SDK2: variants seen among roughly 807,000 people sequenced by gnomAD.
The protein encoded by SDK2 is protein sidekick-2.
SDK2 carries 105 observed loss-of-function variants against 253.9 expected under a neutral mutation model. The ratio of observed to expected loss-of-function variants is 0.41; its 90% CI spans 0.35 to 0.49. The LOEUF (loss-of-function observed/expected upper bound fraction) is 0.49, where lower values mean the gene tolerates loss of function less well. SDK2 is among the 20% of genes least tolerant of loss of function. The pLI is 0.06. For missense variants in SDK2, 2,608 were observed against 3,003.0 expected (o/e 0.87, Z 3.07); for synonymous variants, 1,249 against 1,234.9 (o/e 1.01, Z -0.24).
rs759349908 is a variant in SDK2 at position 73,361,648 on chromosome 17, C to T, written c.5467+36G>A. 1.3e-5 allele frequency: 21 copies of T among 1,592,114 alleles called. No homozygotes were observed. In the East Asian group the frequency reaches 1.6e-4, roughly 12 times the overall value. On this transcript the variant is annotated intron_variant, in intron 39 of 44. Transcript: ENST00000392650. This position sits in a 1 kb window ranked among gnomAD's most constrained non-coding sequence, Gnocchi z 4.1. Reference sequence around the variant, plus strand: ...CTTCTGACTGGGGACGCTGAACCGCCGTGTGGAAGACATGCCTGGTCCGTT... The same window carrying T: ...CTTCTGACTGGGGACGCTGAACCGCTGTGTGGAAGACATGCCTGGTCCGTT...
At chr17:73,408,050 T>TTC (rs1445796065) in intron 18 of SDK2, among the ~76,000 whole-genome samples, 1 of 122,488 alleles carries the variant, frequency 8.2e-6, no homozygotes, top group African/African-American at 2.8e-5. Flanking sequence ...ATATTTCCTT[T>TTC]TTTTTTTTTT....
intron 40 of SDK2, among the ~76,000 whole-genome samples, chr17:73,356,388 G>A (rs946299612): frequency 7.2e-5 from 11 of 152,204 alleles, no homozygotes; most frequent in African/African-American, 2.4e-4. Flanking sequence ...CGCCAGCCCC[G>A]GGAGTTGGCT....
At chr17:73,500,084 AT>A (rs2063874796) in intron 2 of SDK2, among the ~76,000 whole-genome samples, 4 of 146,318 alleles carry the variant, frequency 2.7e-5, no homozygotes, top group South Asian at 2.2e-4. Flanking sequence ...TCCTCCCTCC[AT>A]TCTCCTCCAT....
At position 73,638,041 on chromosome 17, in the gene SDK2, C is replaced by G. The variant is rs79982881; in HGVS notation, c.64+5984G>C. Reference sequence around the variant, plus strand: ...GCTGCTGGAGGGCGGGGCCCCCACTCTTGAGGTACCTGGCTGCTCAGTGCG... The same window carrying G: ...GCTGCTGGAGGGCGGGGCCCCCACTGTTGAGGTACCTGGCTGCTCAGTGCG... On this transcript the variant is annotated intron_variant, in intron 1 of 44. Transcript: ENST00000392650. 1.3e-3 allele frequency among the ~76,000 whole-genome samples: 193 copies of G among 152,350 alleles called. 1 individual carries two copies. Among genetic ancestry groups the G allele is most frequent in the African/African-American group, 3.7e-3 (155 of 41,584 alleles).
chr17:73,366,895 C>T (rs1006204016), intron 37 of SDK2, among the ~76,000 whole-genome samples: 1 of 152,208 alleles, frequency 6.6e-6, no homozygotes, highest in Non-Finnish European at 1.5e-5. Flanking sequence ...ACTCTCTCCC[C>T]TCCACCAGGC....
chr17:73,536,012 T>C (rs1335393932), intron 1 of SDK2, among the ~76,000 whole-genome samples: 1 of 152,204 alleles, frequency 6.6e-6, no homozygotes, highest in Non-Finnish European at 1.5e-5. Flanking sequence ...TTCACACATC[T>C]TAGAAACTCT....
At chr17:73,525,413 T>C (rs561846591) in intron 1 of SDK2, among the ~76,000 whole-genome samples, 2 of 152,092 alleles carry the variant, frequency 1.3e-5, no homozygotes, top group Non-Finnish European at 2.9e-5. Context: ...AGGCGACAAG[T>C]TACCGGAAAG....
intron 8 of SDK2, among the ~76,000 whole-genome samples, chr17:73,436,162 C>T (rs187142244): frequency 2.6e-5 from 4 of 152,276 alleles, no homozygotes; most frequent in East Asian, 3.9e-4. Context: ...TCGAAGAGCA[C>T]GTAGAGGGTC....
At position 73,623,487 on chromosome 17, in the gene SDK2, G is replaced by A. The variant is rs578026871; in HGVS notation, c.64+20538C>T. On this transcript the variant is annotated intron_variant, in intron 1 of 44. Coordinates refer to ENST00000392650, the MANE Select transcript of SDK2 (RefSeq NM_001144952.2). ...GGGAAGGAAGGAGTGAGGGGGAGGAGGCCTTCCCCCTGAAGGCCCCCAGAG... is the reference window on the plus strand; with the variant it reads ...GGGAAGGAAGGAGTGAGGGGGAGGAAGCCTTCCCCCTGAAGGCCCCCAGAG... 1.3e-4 allele frequency among the ~76,000 whole-genome samples: 20 copies of A among 152,288 alleles called. 1 individual carries two copies. Among genetic ancestry groups the A allele is most frequent in the Admixed American group, 9.1e-4 (14 of 15,302 alleles).
intron 1 of SDK2, among the ~76,000 whole-genome samples, chr17:73,585,916 C>T (rs558004761): frequency 2.0e-5 from 3 of 152,290 alleles, no homozygotes; most frequent in South Asian, 2.1e-4. Flanking sequence ...TGTCATTAAA[C>T]GGCACACCAA....
intron 4 of SDK2, among the ~76,000 whole-genome samples, chr17:73,449,298 C>T (rs566803924): frequency 6.6e-6 from 1 of 152,310 alleles, no homozygotes; most frequent in East Asian, 1.9e-4. Flanking sequence ...ATGCGATGGG[C>T]CTGAGACAGC....
intron 37 of SDK2, among the ~76,000 whole-genome samples, chr17:73,366,310 G>A (rs534617033): frequency 6.6e-5 from 10 of 152,304 alleles, no homozygotes; most frequent in African/African-American, 2.4e-4. Flanking sequence ...GTTCGCATCT[G>A]GCAGATGGCA....
At chr17:73,368,762 C>A (rs2062708565) in intron 36 of SDK2, among the ~76,000 whole-genome samples, 169 bp from the exon 37 acceptor site, 1 of 152,144 alleles carries the variant, frequency 6.6e-6, no homozygotes, top group South Asian at 2.1e-4. Flanking sequence ...GTAATCCCAG[C>A]ACTTTGGGAG....
In SDK2 at chr17:73,401,410, T is replaced by C. The variant is rs78286639; in HGVS notation, c.2780-199A>G. On this transcript the variant is annotated intron_variant, in intron 20 of 44. Transcript: ENST00000392650. ...AGTGGGATGCCAGCACTTTAGGGAA[T>C]TGCAGGGGACATAGTGAGTCATCAT... Among the ~76,000 whole-genome samples the C allele has an allele frequency of 0.013, 2,013 of 152,178 alleles. 39 individuals are homozygous for C. Among genetic ancestry groups the C allele is most frequent in the East Asian group, 0.049 (251 of 5,158 alleles).
chr17:73,389,216 C>G (rs2062906140), intron 29 of SDK2, among the ~76,000 whole-genome samples: 2 of 128,704 alleles, frequency 1.6e-5, no homozygotes, highest in Non-Finnish European at 3.2e-5. Context: ...GACGGTCTTG[C>G]TCTGTAGCCC....
At chr17:73,549,797 A>G (rs1412143438) in intron 1 of SDK2, among the ~76,000 whole-genome samples, 2 of 152,124 alleles carry the variant, frequency 1.3e-5, no homozygotes, top group Non-Finnish European at 2.9e-5. Flanking sequence ...TCAAGATGTG[A>G]GCGAGGTGGC....
At chr17:73,556,297 G>A (rs1175390642) in intron 1 of SDK2, among the ~76,000 whole-genome samples, 2 of 152,038 alleles carry the variant, frequency 1.3e-5, no homozygotes, top group East Asian at 1.9e-4. Flanking sequence ...AGAAGCCAGC[G>A]GCAAGCTTTT....
intron 39 of SDK2, among the ~76,000 whole-genome samples, chr17:73,358,654 G>T (rs1226163285): frequency 6.6e-6 from 1 of 152,142 alleles, no homozygotes; most frequent in Admixed American, 6.6e-5. Context: ...GTGGGCCCAT[G>T]AGAGGAGGGG....
chr17:73,469,599 T>C (rs921351203), intron 3 of SDK2, among the ~76,000 whole-genome samples: 2 of 152,002 alleles, frequency 1.3e-5, no homozygotes, highest in African/African-American at 4.8e-5. Context: ...CCTCCCCCAG[T>C]GTGAAGGTAG....
Sources: allele counts gnomAD v4.1 joint callset (sites outside exome capture counted in the v4.1 genomes callset), GRCh38; gene constraint gnomAD v4.1.1; non-coding constraint Gnocchi (gnomAD v3.1); transcripts MANE v1.5; gene names NCBI Gene and HGNC (gene_info 2026-07-23, HGNC 2026-07-21).